The following BOP1 variants were observed in gnomAD, a reference collection of about 807,000 sequenced individuals.
BOP1 encodes the protein ribosome biogenesis protein BOP1.
BOP1 carries 54 observed loss-of-function variants against 82.9 expected under a neutral mutation model. That is an observed-to-expected ratio of 0.65 (90% CI 0.52 to 0.82). BOP1 has a LOEUF of 0.82. Among genes scored for constraint, BOP1 ranks in the 40% least tolerant of loss-of-function variants. The pLI is 0.00. For missense variants in BOP1, 1,170 were observed against 1,072.0 expected (o/e 1.09, Z -1.28); for synonymous variants, 566 against 451.1 (o/e 1.25, Z -3.23).
chr8:144,269,201 G>T (rs1184591065), intron 3 of BOP1, among the ~76,000 whole-genome samples: 2 of 152,258 alleles, frequency 1.3e-5, no homozygotes, highest in Non-Finnish European at 2.9e-5. Flanking sequence ...AAACCCTGCA[G>T]GTGACAATTA....
rs1554836546 is a variant in BOP1 at position 144,262,612 on chromosome 8, G to T, written c.1955C>A (p.Ser652Tyr). ...CCTCAGCATCCTGTATGGCTTGGTG[G>T]AAAGATCCAGGTCAAACCACACCAG... ...SKLVWFDLDL[S>Y]TKPYRMLRHH... Residue 652 changes from serine to tyrosine, a missense_variant, in exon 14 of 16, where the codon TCC becomes TAC. Ser to Tyr is a moderately radical substitution (Grantham distance 144). Coordinates refer to ENST00000569669, the MANE Select transcript of BOP1 (RefSeq NM_015201.5). 1 of 1,613,406 alleles carries T rather than the reference G, an allele frequency of 6.2e-7. No homozygotes were observed. Among genetic ancestry groups the T allele is most frequent in the African/African-American group, 1.3e-5 (1 of 74,964 alleles).
chr8:144,278,392 T>G (rs1554838556), intron 2 of BOP1, among the ~76,000 whole-genome samples: 1 of 152,014 alleles, frequency 6.6e-6, no homozygotes, highest in African/African-American at 2.4e-5. Flanking sequence ...ACAGAAACGG[T>G]GTCCAAGCGC....
At chr8:144,285,838 A>C (rs1554839406) in intron 2 of BOP1, among the ~76,000 whole-genome samples, 2 of 152,184 alleles carry the variant, frequency 1.3e-5, no homozygotes, top group African/African-American at 2.4e-5. Context: ...CCACGATGCG[A>C]GTGGGAGGTG....
chr8:144,289,305 C>G lies in BOP1; in HGVS notation c.100-1G>C. 6.2e-7 allele frequency: 1 copy of G among 1,613,360 alleles called. No homozygotes were observed. On this transcript the variant is annotated splice_acceptor_variant, in intron 1 of 15. Coordinates refer to ENST00000569669, the MANE Select transcript of BOP1 (RefSeq NM_015201.5). LOFTEE classifies it high-confidence loss of function. ...GAGGAGAGGTGCAGAGGAGGGGGGGCTGCAAGGAAACACTGGGTTGGTGAC... is the reference window on the plus strand; with the variant it reads ...GAGGAGAGGTGCAGAGGAGGGGGGGGTGCAAGGAAACACTGGGTTGGTGAC...
intron 3 of BOP1, 109 bp downstream of exon 3, chr8:144,276,115 C>T (rs1446805806): frequency 1.2e-5 from 15 of 1,288,144 alleles, no homozygotes; most frequent in Middle Eastern, 2.6e-4. Context: ...GGCCCACCTG[C>T]GGCAGGTCCC....
intron 3 of BOP1, chr8:144,268,047 G>C (rs1482674426): frequency 6.5e-7 from 1 of 1,549,048 alleles, no homozygotes; most frequent in Admixed American, 2.0e-5. Context: ...AGGCCAGAGA[G>C]GCGCAGACTG....
intron 3 of BOP1, among the ~76,000 whole-genome samples, chr8:144,275,102 G>A (rs1364770240): frequency 1.3e-5 from 2 of 152,050 alleles, no homozygotes; most frequent in Non-Finnish European, 2.9e-5. Context: ...GATGGGGGAA[G>A]AACCTGGGGG....
chr8:144,277,495 G>GA (rs1361532234), intron 2 of BOP1, among the ~76,000 whole-genome samples: 9 of 152,344 alleles, frequency 5.9e-5, no homozygotes, highest in Non-Finnish European at 8.8e-5. Flanking sequence ...CTGGGCTCCC[G>GA]ACCCCTCACA....
chr8:144,289,211 C>T lies in BOP1; in HGVS notation c.193G>A (p.Asp65Asn). 1 of 1,614,120 alleles carries T rather than the reference C, an allele frequency of 6.2e-7. No individual in the cohort carries two copies. Among genetic ancestry groups the T allele is most frequent in the Non-Finnish European group, 8.5e-7 (1 of 1,179,952 alleles). Reference protein sequence around the residue: ...SEESVFSGLEDSGSDSSEDDD... With the variant: ...SEESVFSGLENSGSDSSEDDD... Reference sequence around the variant, plus strand: ...TCCTCACTGCTGTCACTGCCGGAATCTTCCAGGCCTGAGAACACACTTTCC... The same window carrying T: ...TCCTCACTGCTGTCACTGCCGGAATTTTCCAGGCCTGAGAACACACTTTCC... Residue 65 changes from aspartate to asparagine, a missense_variant, in exon 2 of 16, where the codon GAT (aspartate) becomes AAT (asparagine). Coordinates refer to ENST00000569669, the MANE Select transcript of BOP1 (RefSeq NM_015201.5).
rs1031837751 is a variant in BOP1, at chr8:144,264,264, C to T, written c.939G>A (p.Ser313=). The change falls in exon 7 of 16, where the codon TCG becomes TCA. Residue 313 remains serine (S), a synonymous_variant. Transcript: ENST00000569669. ...PKLALPGHAE[S]YNPPPEYLLS... is the part of the protein sequence containing the mutation. ...GCAGGTATTCAGGGGGTGGGTTGTA[C>T]GACTCGGCGTGGCCTGGCAGGGCCA... 3.7e-5 allele frequency: 60 copies of T among 1,610,640 alleles called. No individual in the cohort carries two copies. Among genetic ancestry groups the T allele is most frequent in the Admixed American group, 1.3e-4 (8 of 59,806 alleles).
At chr8:144,265,168 T>C in intron 3 of BOP1, 97 bp from the exon 4 acceptor site, 2 of 1,420,568 alleles carry the variant, frequency 1.4e-6, no homozygotes, top group African/African-American at 1.4e-5. Flanking sequence ...GCAGGGGGAG[T>C]GCAGGCCCAG....
intron 3 of BOP1, chr8:144,267,084 C>T: frequency 7.3e-7 from 1 of 1,370,760 alleles, no homozygotes; most frequent in African/African-American, 1.5e-5. Context: ...GCGCCGGCAG[C>T]CCCCCGCCGC....
chr8:144,281,158 C>T (rs1273185960), intron 2 of BOP1, among the ~76,000 whole-genome samples: 1 of 104,706 alleles, frequency 9.6e-6, no homozygotes, highest in African/African-American at 3.3e-5. Context: ...AGTTTAATAC[C>T]AGGTCTTCGG....
intron 3 of BOP1, among the ~76,000 whole-genome samples, chr8:144,271,379 C>T (rs1450496527): frequency 6.6e-6 from 1 of 152,124 alleles, no homozygotes; most frequent in African/African-American, 2.4e-5. Context: ...TCACTCTCTC[C>T]TCGTTCCGCC....
At position 144,262,123 on chromosome 8, in the gene BOP1, G is replaced by A; in HGVS notation, c.*41C>T. On this transcript the variant is annotated 3_prime_UTR_variant, in exon 16 of 16. Transcript: ENST00000569669. ...GGCAGCACAGGGTAAAGGCTCTGTT[G>A]ACTTCAGCACGACCACCCCAGCCCC... 1.2e-6 allele frequency: 2 copies of A among 1,610,714 alleles called. No homozygotes were observed. Among genetic ancestry groups the A allele is most frequent in the Non-Finnish European group, 1.7e-6 (2 of 1,179,724 alleles).
intron 2 of BOP1, among the ~76,000 whole-genome samples, chr8:144,277,593 C>T (rs1323441313): frequency 1.3e-5 from 2 of 152,278 alleles, no homozygotes; most frequent in Non-Finnish European, 2.9e-5. Flanking sequence ...TGACAAAAGA[C>T]TTGTCACCCA....
chr8:144,267,351 C>A lies in BOP1; in HGVS notation c.391-2280G>T, dbSNP rs941320895. On this transcript the variant is annotated intron_variant, in intron 3 of 15. Transcript: ENST00000569669. ...TGGGGCCTTCTCCTGGGGCTCCTCTCCAGGGCGTCCCTAGGACACTCGGCT... is the reference window on the plus strand; with the variant it reads ...TGGGGCCTTCTCCTGGGGCTCCTCTACAGGGCGTCCCTAGGACACTCGGCT... 9.6e-3 allele frequency among the ~76,000 whole-genome samples: 1,458 copies of A among 152,150 alleles called. 8 individuals are homozygous for A. Among genetic ancestry groups the A allele is most frequent in the Middle Eastern group, 0.02 (6 of 294 alleles).
chr8:144,275,047 G>GGCGGGCA, intron 3 of BOP1, among the ~76,000 whole-genome samples: 1 of 152,176 alleles, frequency 6.6e-6, no homozygotes, highest in South Asian at 2.1e-4. Flanking sequence ...GACCGGATCG[G>GGCGGGCA]GCGGGCGGCC....
Position 144,264,240 on chromosome 8 carries a change from C to G in BOP1, c.963G>C (p.Leu321=). 1 of 1,609,390 alleles carries G rather than the reference C, an allele frequency of 6.2e-7. No individual in the cohort carries two copies. The highest frequency in any genetic ancestry group is 8.5e-7 in the Non-Finnish European group (1 of 1,178,800). The change falls in exon 7 of 16, where the codon CTG becomes CTC. Residue 321 remains leucine, a synonymous_variant. Transcript: ENST00000569669. Reference sequence around the variant, plus strand: ...GCAGGCCCACCTCCTCCTCGCTGAGCAGGTATTCAGGGGGTGGGTTGTACG... The same window carrying G: ...GCAGGCCCACCTCCTCCTCGCTGAGGAGGTATTCAGGGGGTGGGTTGTACG... ...AESYNPPPEY[L]LSEEERLAWE... is the part of the protein sequence containing the mutation.
Sources: allele counts gnomAD v4.1 joint callset (sites outside exome capture counted in the v4.1 genomes callset), GRCh38; gene constraint gnomAD v4.1.1; transcripts MANE v1.5; gene names NCBI Gene and HGNC (gene_info 2026-07-23, HGNC 2026-07-21).